TCERG1L: variants seen among roughly 807,000 people sequenced by gnomAD.
The protein encoded by TCERG1L is transcription elongation regulator 1 like.
TCERG1L carries 37 observed loss-of-function variants against 56.3 expected under a neutral mutation model. The observed-to-expected ratio is 0.66, with a 90% CI of 0.51 to 0.87. TCERG1L has a LOEUF of 0.87. Ranked by LOEUF, TCERG1L falls within the 40% of genes least tolerant of loss-of-function variation. The probability of loss-of-function intolerance (pLI) is 0.00; values close to 1 mark genes in which losing one functional copy is unlikely to be tolerated. For synonymous variants in TCERG1L, 324 were observed against 326.3 expected (o/e 0.99, Z 0.08); for missense variants, 799 against 774.2 (o/e 1.03, Z -0.38).
intron 6 of TCERG1L, chr10:131,162,335 AGCCAGGGGTGCCAGTCT>A (rs1400897618): frequency 6.6e-6 from 1 of 152,258 alleles, no homozygotes; most frequent in African/African-American, 2.4e-5. Flanking sequence ...ATGGCATAGA[AGCCAGGGGTGCCAGTCT>A]GTCCAGATTG....
At position 131,260,204 on chromosome 10, in the gene TCERG1L, C is replaced by A; in HGVS notation, c.856+55G>T. The A allele has an allele frequency of 1.5e-6, 2 of 1,296,488 alleles. No homozygotes were observed. Among genetic ancestry groups the A allele is most frequent in the South Asian group, 5.8e-5 (2 of 34,290 alleles). The allele number at this position is 1,296,488 out of a possible 1,614,324, so 80.3% of individuals were successfully genotyped here. ...AGGCCAGGGGCATCTAACCAGGAAG[C>A]CTCCGCGCGCTCGCTAAGGCAGCAC... is the stretch of plus-strand genomic sequence containing the variant. On this transcript the variant is annotated intron_variant, in intron 4 of 11. Transcript: ENST00000368642. This position sits in a 1 kb window ranked among gnomAD's most constrained non-coding sequence, Gnocchi z 5.8.
At position 131,118,923 on chromosome 10, in the gene TCERG1L, C is replaced by A. The variant is rs1402605153; in HGVS notation, c.1260-1989G>T. On this transcript the variant is annotated intron_variant, in intron 8 of 11. Coordinates refer to ENST00000368642, the MANE Select transcript of TCERG1L (RefSeq NM_174937.4). This position sits in a 1 kb window ranked among gnomAD's most constrained non-coding sequence, Gnocchi z 4.2. ...CACAACTGGGGAGATGTTACCAGCA[C>A]CTGGGAGTGGAGAGCCGGGATGCTG... 6.6e-6 allele frequency among the ~76,000 whole-genome samples: 1 copy of A among 152,134 alleles called. No homozygotes were observed. The highest frequency in any genetic ancestry group is 1.9e-4 in the East Asian group (1 of 5,184).
intron 4 of TCERG1L, among the ~76,000 whole-genome samples, chr10:131,185,224 G>GA (rs1845222733): frequency 6.6e-6 from 1 of 152,006 alleles, no homozygotes; most frequent in Non-Finnish European, 1.5e-5. Context: ...ATTTTAATTA[G>GA]AAAAAAATAG....
intron 6 of TCERG1L, 78 bp from the exon 7 acceptor site, chr10:131,146,738 AAAAAG>A: frequency 8.7e-6 from 13 of 1,491,966 alleles, no homozygotes; most frequent in South Asian, 2.8e-5. Flanking sequence ...ACTCTCACTG[AAAAAG>A]CCCCTCAGGA....
chr10:131,267,823 A>G lies in TCERG1L; in HGVS notation c.671-7379T>C, dbSNP rs1846301810. Among the ~76,000 whole-genome samples the G allele has an allele frequency of 6.6e-6, 1 of 152,156 alleles. No individual in the cohort carries two copies. ...TGCTGCCCTGTCCACCTCCTTGCAGACTTCGGTGGGGGCTCCAGGGCCTTG... is the reference window on the plus strand; with the variant it reads ...TGCTGCCCTGTCCACCTCCTTGCAGGCTTCGGTGGGGGCTCCAGGGCCTTG... On this transcript the variant is annotated intron_variant, in intron 3 of 11. Coordinates refer to ENST00000368642, the MANE Select transcript of TCERG1L (RefSeq NM_174937.4). The surrounding 1 kb of genome is among the most constrained non-coding windows in gnomAD (Gnocchi z 4.9).
intron 4 of TCERG1L, among the ~76,000 whole-genome samples, chr10:131,207,039 C>G (rs1845539518): frequency 6.6e-6 from 1 of 152,224 alleles, no homozygotes; most frequent in Admixed American, 6.5e-5. Flanking sequence ...AGAGCTGAGC[C>G]TGGAATCAGA....
intron 5 of TCERG1L, among the ~76,000 whole-genome samples, chr10:131,166,390 G>A (rs1589734092): frequency 6.6e-6 from 1 of 152,266 alleles, no homozygotes; most frequent in East Asian, 1.9e-4. Flanking sequence ...CACTGTCTTG[G>A]CCAGTCTTTA....
rs888729023 is a variant in TCERG1L, at chr10:131,296,147, T to C, written c.670+12064A>G. Reference sequence around the variant, plus strand: ...TTCAAGTCATCAATGCATTTTCTAATGTGGTTCATGCTTTTGGTGTCATGT... The same window carrying C: ...TTCAAGTCATCAATGCATTTTCTAACGTGGTTCATGCTTTTGGTGTCATGT... On this transcript the variant is annotated intron_variant, in intron 3 of 11. Transcript: ENST00000368642. Among the ~76,000 whole-genome samples the C allele has an allele frequency of 4.3e-4, 65 of 152,356 alleles. 1 individual carries two copies. Among genetic ancestry groups the C allele is most frequent in the African/African-American group, 1.5e-3 (63 of 41,592 alleles).
intron 4 of TCERG1L, among the ~76,000 whole-genome samples, chr10:131,235,705 A>G (rs1845905688): frequency 6.6e-6 from 1 of 152,212 alleles, no homozygotes; most frequent in Non-Finnish European, 1.5e-5. Context: ...AACCCTGTTC[A>G]TGCAAACCAA....
At chr10:131,203,047 G>C (rs10765052) in intron 4 of TCERG1L, among the ~76,000 whole-genome samples, 53,338 of 151,924 alleles carry the variant, frequency 0.35, 9,534 homozygotes, top group East Asian at 0.45. Flanking sequence ...CGCCGACACC[G>C]ATGTGCTTGA....
intron 6 of TCERG1L, among the ~76,000 whole-genome samples, chr10:131,153,290 CG>C (rs1395582943): frequency 1.3e-5 from 2 of 152,100 alleles, no homozygotes; most frequent in Non-Finnish European, 2.9e-5. Flanking sequence ...TGAATTTCCC[CG>C]GATGTCCTAC....
rs140596588 is a variant in TCERG1L at position 131,222,450 on chromosome 10, T to C, written c.856+37809A>G. Among the ~76,000 whole-genome samples the C allele has an allele frequency of 7.2e-4, 110 of 152,334 alleles. 1 individual carries two copies. Among genetic ancestry groups the C allele is most frequent in the African/African-American group, 1.6e-3 (66 of 41,588 alleles). ...ACCCTGAGAGGGATGCATCTCTCTA[T>C]TGGCAGATGTGAAACTCAATGAAAT... is the stretch of plus-strand genomic sequence containing the variant. On this transcript the variant is annotated intron_variant, in intron 4 of 11. Coordinates refer to ENST00000368642, the MANE Select transcript of TCERG1L (RefSeq NM_174937.4).
chr10:131,272,894 G>A (rs985203773), intron 3 of TCERG1L, among the ~76,000 whole-genome samples: 2 of 152,224 alleles, frequency 1.3e-5, no homozygotes, highest in Non-Finnish European at 2.9e-5. Context: ...GGGGTGGGGA[G>A]AGTGTTGTTT....
intron 8 of TCERG1L, among the ~76,000 whole-genome samples, chr10:131,132,809 G>A (rs1456128957): frequency 4.6e-5 from 7 of 152,160 alleles, no homozygotes; most frequent in Non-Finnish European, 8.8e-5. Context: ...ATTTGGGGTA[G>A]CAAGAAGACA....
At chr10:131,277,047 C>G (rs575714101) in intron 3 of TCERG1L, among the ~76,000 whole-genome samples, 1 of 152,158 alleles carries the variant, frequency 6.6e-6, no homozygotes, top group Non-Finnish European at 1.5e-5. Context: ...CCTGTCCTTG[C>G]AGAACTGCTA....
At chr10:131,256,162 C>T in intron 4 of TCERG1L, among the ~76,000 whole-genome samples, 1 of 152,134 alleles carries the variant, frequency 6.6e-6, no homozygotes. Flanking sequence ...GAGGAGGAAA[C>T]AATTCCTGGA....
chr10:131,154,526 A>G (rs1275722251), intron 6 of TCERG1L, among the ~76,000 whole-genome samples: 2 of 151,998 alleles, frequency 1.3e-5, no homozygotes, highest in African/African-American at 2.4e-5. Context: ...AAAGGGCCGC[A>G]CCCAATGCCC....
chr10:131,151,012 T>C (rs1589729388), intron 6 of TCERG1L, among the ~76,000 whole-genome samples: 1 of 152,076 alleles, frequency 6.6e-6, no homozygotes, highest in African/African-American at 2.4e-5. Flanking sequence ...AAGAACATCA[T>C]GGGGGAAACC....
At chr10:131,219,888 C>T (rs1225838000) in intron 4 of TCERG1L, among the ~76,000 whole-genome samples, 1 of 152,172 alleles carries the variant, frequency 6.6e-6, no homozygotes, top group African/African-American at 2.4e-5. Context: ...TGGAAAGAGG[C>T]TCACCCTCGG....
Sources: gnomAD v4.1 joint callset for allele counts (sites outside exome capture counted in the v4.1 genomes callset) on GRCh38, gnomAD v4.1.1 for gene constraint, Gnocchi (gnomAD v3.1) non-coding constraint, MANE v1.5 for transcripts, NCBI Gene and HGNC (gene_info 2026-07-23, HGNC 2026-07-21) for gene names.